The following LY75 variants were observed in gnomAD, a reference collection of about 807,000 sequenced individuals.
The protein encoded by LY75 is C-type lectin domain family 13 member B.
A neutral mutation model predicts 231.7 loss-of-function variants in LY75; 185 were observed. The observed-to-expected ratio is 0.80, with a 90% CI of 0.71 to 0.90. The LOEUF is 0.90. Among genes scored for constraint, LY75 ranks in the 40% least tolerant of loss-of-function variants. LY75 has a pLI of 0.00. For missense variants in LY75, 1,947 were observed against 2,050.2 expected, an observed-to-expected ratio of 0.95 and a Z score of 0.97; for synonymous variants, 668 against 689.0, an observed-to-expected ratio of 0.97 and a Z score of 0.48.
chr2:159,879,456 CAGAG>C, intron 8 of LY75, 87 bp from the exon 9 acceptor site: 18 of 1,542,882 alleles, frequency 1.2e-5, no homozygotes, highest in Non-Finnish European at 1.5e-5. Flanking sequence ...ATGACAGAGA[CAGAG>C]AGAGAGAAAT....
At chr2:159,834,797 C>T (rs1313951496) in intron 26 of LY75, among the ~76,000 whole-genome samples, 1 of 152,166 alleles carries the variant, frequency 6.6e-6, no homozygotes, top group East Asian at 1.9e-4. Flanking sequence ...ATACATTAAA[C>T]TGATTTAATA....
At chr2:159,835,374 T>A (rs1683787242) in intron 26 of LY75, 106 bp downstream of exon 26, 1 of 1,256,132 alleles carries the variant, frequency 8.0e-7, no homozygotes, top group Admixed American at 3.6e-5. Flanking sequence ...TGACTATAAT[T>A]TCTTCACAAT....
intron 19 of LY75, 23 bp from the exon 20 acceptor site, chr2:159,853,375 A>G: frequency 1.2e-6 from 2 of 1,611,288 alleles, no homozygotes; most frequent in Non-Finnish European, 1.7e-6. Context: ...GACAGATTTG[A>G]CAACTCGTAA....
chr2:159,835,471 T>G lies in LY75; in HGVS notation c.3673+9A>C, dbSNP rs758835242. 1 of 1,577,976 alleles carries G rather than the reference T, an allele frequency of 6.3e-7. No homozygotes were observed. The highest frequency in any genetic ancestry group is 8.6e-7 in the Non-Finnish European group (1 of 1,166,390). ...AATTTAAGAATTAAAAGATCTGAAATTCACATACTTCCTGAATAGTAGCAA... is the reference window on the plus strand; with the variant it reads ...AATTTAAGAATTAAAAGATCTGAAAGTCACATACTTCCTGAATAGTAGCAA... On this transcript the variant is annotated intron_variant, in intron 26 of 34. Coordinates refer to ENST00000263636, the MANE Select transcript of LY75 (RefSeq NM_002349.4).
chr2:159,890,065 T>G (rs1235560095), intron 4 of LY75, 148 bp downstream of exon 4: 1 of 952,386 alleles, frequency 1.0e-6, no homozygotes, highest in Non-Finnish European at 1.5e-6. Flanking sequence ...CAGTACTTTT[T>G]TGCTTATGGG....
intron 25 of LY75, among the ~76,000 whole-genome samples, chr2:159,837,769 C>T (rs1037010050): frequency 2.0e-5 from 3 of 152,136 alleles, no homozygotes; most frequent in Non-Finnish European, 2.9e-5. Context: ...TTTTTATCTC[C>T]TTTTATTTCC....
chr2:159,828,006 G>C (rs932141284), intron 28 of LY75, among the ~76,000 whole-genome samples: 1 of 151,950 alleles, frequency 6.6e-6, no homozygotes, highest in Non-Finnish European at 1.5e-5. Context: ...ACCTAACGTA[G>C]GTGACGGGTT....
intron 23 of LY75, among the ~76,000 whole-genome samples, chr2:159,849,734 C>T (rs1412824973): frequency 6.6e-6 from 1 of 152,102 alleles, no homozygotes; most frequent in Non-Finnish European, 1.5e-5. Context: ...AACCATCACC[C>T]CATAAATCTT....
intron 27 of LY75, among the ~76,000 whole-genome samples, chr2:159,832,786 G>A (rs1683703445): frequency 6.6e-6 from 1 of 152,004 alleles, no homozygotes; most frequent in Non-Finnish European, 1.5e-5. Flanking sequence ...TTATTCTAAG[G>A]ACTTTTTGCA....
intron 26 of LY75, among the ~76,000 whole-genome samples, chr2:159,835,216 A>C (rs2303546): frequency 0.14 from 21,409 of 152,192 alleles, 1,847 homozygotes; most frequent in East Asian, 0.28. Flanking sequence ...AAAGAGGTAG[A>C]GTAACAATGG....
At chr2:159,846,176 A>G (rs926039409) in intron 23 of LY75, among the ~76,000 whole-genome samples, 6 of 152,066 alleles carry the variant, frequency 3.9e-5, no homozygotes, top group Admixed American at 6.6e-5. Context: ...CACTGACAAC[A>G]TGTATCATAT....
chr2:159,817,287 C>T (rs756129795), intron 29 of LY75, among the ~76,000 whole-genome samples: 3 of 152,090 alleles, frequency 2.0e-5, no homozygotes, highest in Non-Finnish European at 4.4e-5. Flanking sequence ...GAGACAGAAA[C>T]AACAATGGCT....
intron 19 of LY75, 104 bp from the exon 20 acceptor site, chr2:159,853,456 T>G: frequency 1.3e-6 from 2 of 1,488,246 alleles, no homozygotes; most frequent in Non-Finnish European, 9.2e-7. Context: ...GTTAATACCA[T>G]TACTCTATAC....
At position 159,898,677 on chromosome 2, in the gene LY75, C is replaced by CT. The variant is rs544532233; in HGVS notation, c.466+10dup. The CT allele has an allele frequency of 5.5e-5, 89 of 1,606,512 alleles. No individual in the cohort carries two copies. Among genetic ancestry groups the CT allele is most frequent in the Non-Finnish European group, 7.5e-5 (88 of 1,174,674 alleles). On this transcript the variant is annotated intron_variant, in intron 2 of 34. Transcript: ENST00000263636. ...ACAGCAAATCGGTCAAAGTCCCTCT[C>CT]TAATACTCACCATGATAAGGCTGGT...
chr2:159,829,253 G>T (rs149941840), intron 28 of LY75, among the ~76,000 whole-genome samples: 2 of 152,228 alleles, frequency 1.3e-5, no homozygotes, highest in East Asian at 1.9e-4. Context: ...CACACGATTT[G>T]GTTCTTGTTT....
At chr2:159,832,713 A>G (rs915287566) in intron 27 of LY75, among the ~76,000 whole-genome samples, 1 of 152,246 alleles carries the variant, frequency 6.6e-6, no homozygotes, top group African/African-American at 2.4e-5. Flanking sequence ...AATGTCCAAC[A>G]GGAAGCTATG....
At chr2:159,825,820 A>G (rs1225158746) in intron 28 of LY75, among the ~76,000 whole-genome samples, 3 of 152,238 alleles carry the variant, frequency 2.0e-5, no homozygotes, top group Admixed American at 2.0e-4. Flanking sequence ...AAATCAATAA[A>G]CATAATCCAT....
intron 27 of LY75, among the ~76,000 whole-genome samples, chr2:159,832,121 C>T (rs1035261908): frequency 2.0e-5 from 3 of 152,064 alleles, no homozygotes; most frequent in African/African-American, 7.2e-5. Context: ...GATATACTGT[C>T]AAAGATTACG....
chr2:159,887,256 A>G (rs1685619656), intron 4 of LY75, among the ~76,000 whole-genome samples: 1 of 86,668 alleles, frequency 1.2e-5, no homozygotes, highest in South Asian at 3.2e-4. Flanking sequence ...CACACGTGGT[A>G]CAGTGGAGAT....
Sources: allele counts gnomAD v4.1 joint callset (sites outside exome capture counted in the v4.1 genomes callset), GRCh38; gene constraint gnomAD v4.1.1; transcripts MANE v1.5; gene names NCBI Gene and HGNC (gene_info 2026-07-23, HGNC 2026-07-21).